Variants in DLG1 observed in about 807,000 individuals in gnomAD.
The protein encoded by DLG1 is discs large MAGUK scaffold protein 1, also known as disks large homolog 1.
A neutral mutation model predicts 123.4 loss-of-function variants in DLG1; 42 were observed. The ratio of observed to expected loss-of-function variants is 0.34; its 90% CI spans 0.27 to 0.44. DLG1 has a LOEUF of 0.44. Ranked by LOEUF, DLG1 falls within the 20% of genes least tolerant of loss-of-function variation. DLG1 has a pLI of 1.00. For missense variants in DLG1, 942 were observed against 1,082.6 expected, an observed-to-expected ratio of 0.87 and a Z score of 1.82; for synonymous variants, 317 against 356.2, an observed-to-expected ratio of 0.89 and a Z score of 1.24.
chr3:197,273,236 T>G (rs2151064326), intron 4 of DLG1, among the ~76,000 whole-genome samples: 1 of 137,980 alleles, frequency 7.2e-6, no homozygotes, highest in East Asian at 1.9e-4. Flanking sequence ...ATATATATTT[T>G]TTTCTTTATT....
At chr3:197,216,685 A>AT (rs1472124293) in intron 4 of DLG1, among the ~76,000 whole-genome samples, 2 of 152,198 alleles carry the variant, frequency 1.3e-5, no homozygotes, top group Admixed American at 1.3e-4. Flanking sequence ...CAGAAATAGT[A>AT]TTTTGTATAA....
At chr3:197,276,300 T>C (rs193077939) in intron 4 of DLG1, among the ~76,000 whole-genome samples, 20 of 152,346 alleles carry the variant, frequency 1.3e-4, no homozygotes, top group African/African-American at 4.6e-4. Flanking sequence ...CCTGTACAAA[T>C]ACCTTCAATA....
chr3:197,297,537 TC>T, intron 1 of DLG1: 24 of 1,134,654 alleles, frequency 2.1e-5, no homozygotes, highest in Non-Finnish European at 2.6e-5. Context: ...GTATCCACAC[TC>T]CCCACCTGCT....
At chr3:197,056,894 A>T (rs776461732) in intron 23 of DLG1, among the ~76,000 whole-genome samples, 6 of 152,176 alleles carry the variant, frequency 3.9e-5, no homozygotes, top group Non-Finnish European at 8.8e-5. Context: ...CAGAGTATGT[A>T]TATCTTTAGG....
intron 5 of DLG1, among the ~76,000 whole-genome samples, chr3:197,181,085 A>G (rs1158506685): frequency 2.0e-5 from 3 of 152,210 alleles, no homozygotes; most frequent in Non-Finnish European, 4.4e-5. Flanking sequence ...TATGAACATG[A>G]ATACCTCCAG....
Position 197,043,343 on chromosome 3 carries a change from G to A in DLG1, c.*1280C>T, listed in dbSNP as rs1007740870. 3 of 152,024 alleles carry A rather than the reference G, an allele frequency of 2.0e-5. No individual in the cohort carries two copies. The highest frequency in any genetic ancestry group is 7.2e-5 in the African/African-American group (3 of 41,402). The allele number at this position is 152,024 out of a possible 1,614,324, so 9.4% of individuals were successfully genotyped here. ...TGACAAGAACAACAGTAACAACACG[G>A]ACAACAACAAAAAACCTCAGGAACC... is the stretch of plus-strand genomic sequence containing the variant. On this transcript the variant is annotated 3_prime_UTR_variant, in exon 25 of 25. Coordinates refer to ENST00000667157, the MANE Select transcript of DLG1 (RefSeq NM_001366207.1).
chr3:197,129,326 C>T (rs972175795), intron 11 of DLG1, among the ~76,000 whole-genome samples: 2 of 152,214 alleles, frequency 1.3e-5, no homozygotes, highest in Non-Finnish European at 2.9e-5. Flanking sequence ...TTTCCCTCAA[C>T]CTCATGAACC....
chr3:197,166,642 C>T (rs2149971842), intron 5 of DLG1, among the ~76,000 whole-genome samples: 1 of 152,300 alleles, frequency 6.6e-6, no homozygotes. Flanking sequence ...GTAATCCCAA[C>T]ACTTTGGGAG....
chr3:197,286,017 C>T (rs1481454440), intron 3 of DLG1, among the ~76,000 whole-genome samples: 1 of 152,100 alleles, frequency 6.6e-6, no homozygotes, highest in Non-Finnish European at 1.5e-5. Flanking sequence ...AGTATGTCCA[C>T]ACAATGGAAT....
chr3:197,287,992 T>C (rs1772653617), intron 3 of DLG1, among the ~76,000 whole-genome samples: 1 of 152,086 alleles, frequency 6.6e-6, no homozygotes, highest in Non-Finnish European at 1.5e-5. Flanking sequence ...GAAACAAAAA[T>C]GCATATGCAA....
chr3:197,150,422 G>GA (rs1330667474), intron 5 of DLG1, among the ~76,000 whole-genome samples: 2 of 151,664 alleles, frequency 1.3e-5, no homozygotes, highest in African/African-American at 2.4e-5. Context: ...AGTTTGGATT[G>GA]AAAAAAAATC....
intron 4 of DLG1, among the ~76,000 whole-genome samples, chr3:197,281,992 A>G (rs1360350386): frequency 6.6e-6 from 1 of 152,206 alleles, no homozygotes; most frequent in Non-Finnish European, 1.5e-5. Flanking sequence ...ACCATCTTAC[A>G]CTAACTAGAA....
At chr3:197,257,483 A>C (rs338210) in intron 4 of DLG1, among the ~76,000 whole-genome samples, 85,747 of 151,914 alleles carry the variant, frequency 0.56, 24,753 homozygotes, top group East Asian at 0.79. Flanking sequence ...GAACTGTTTC[A>C]GAAGACAAGG....
In DLG1 at chr3:197,194,484, A is replaced by G. The variant is rs778189541; in HGVS notation, c.424T>C (p.Leu142=). 6.2e-7 allele frequency: 1 copy of G among 1,604,766 alleles called. No homozygotes were observed. The highest frequency in any genetic ancestry group is 8.5e-7 in the Non-Finnish European group (1 of 1,176,348). Reference sequence around the variant, plus strand: ...CCATGGACATTCTCAATCTCTGATAAGTTCTTCTCTGAGACATGAACCAAT... The same window carrying G: ...CCATGGACATTCTCAATCTCTGATAGGTTCTTCTCTGAGACATGAACCAAT... ...PELVHVSEKN[L]SEIENVHGFV... is the part of the protein sequence containing the mutation. The change falls in exon 5 of 25, where the codon TTA becomes CTA. Residue 142 remains leucine (L), a synonymous_variant. Transcript: ENST00000667157.
intron 11 of DLG1, among the ~76,000 whole-genome samples, chr3:197,120,273 G>GAA (rs3050713): frequency 3.1e-5 from 4 of 127,596 alleles, no homozygotes; most frequent in Admixed American, 1.6e-4. Context: ...TCTCGAGAAA[G>GAA]AAAAAAAAAA....
chr3:197,054,142 T>C (rs1729954312), intron 23 of DLG1, among the ~76,000 whole-genome samples: 1 of 152,082 alleles, frequency 6.6e-6, no homozygotes, highest in African/African-American at 2.4e-5. Flanking sequence ...TATTGGGAAA[T>C]CCCTTGTGTG....
intron 4 of DLG1, among the ~76,000 whole-genome samples, chr3:197,241,168 C>T (rs1748651144): frequency 1.3e-5 from 2 of 151,924 alleles, no homozygotes; most frequent in African/African-American, 4.8e-5. Context: ...AAACAAATAA[C>T]ATATAAAGAA....
At chr3:197,242,111 G>C (rs1749205593) in intron 4 of DLG1, among the ~76,000 whole-genome samples, 1 of 152,074 alleles carries the variant, frequency 6.6e-6, no homozygotes, top group Non-Finnish European at 1.5e-5. Context: ...GATATTTCAT[G>C]CAACTGGAAA....
intron 14 of DLG1, 135 bp from the exon 15 acceptor site, chr3:197,091,161 A>T: frequency 1.9e-6 from 1 of 524,780 alleles, no homozygotes; most frequent in Non-Finnish European, 3.3e-6. Context: ...TATGCGAAAG[A>T]TTTTGCCCAA....
Sources: allele counts gnomAD v4.1 joint callset (sites outside exome capture counted in the v4.1 genomes callset), GRCh38; gene constraint gnomAD v4.1.1; transcripts MANE v1.5; gene names NCBI Gene and HGNC (gene_info 2026-07-23, HGNC 2026-07-21).